TMEM276: variants seen among roughly 807,000 people sequenced by gnomAD.
TMEM276 encodes the protein transmembrane protein 276.
At chr8:144,466,754 C>G in the TMEM276 span, 17 of 1,528,942 alleles carry the variant, frequency 1.1e-5, no homozygotes, top group Non-Finnish European at 1.4e-5. Flanking sequence ...CCTGCCCCCT[C>G]CCTAGAGAGC....
chr8:144,464,808 C>A, the TMEM276 span: 4 of 1,612,686 alleles, frequency 2.5e-6, no homozygotes, highest in Non-Finnish European at 8.5e-7. Context: ...AGTGTACTCA[C>A]CTCGGCTGTG....
At chr8:144,466,399 C>A in the TMEM276 span, 1 of 1,136,740 alleles carries the variant, frequency 8.8e-7, no homozygotes, top group South Asian at 2.2e-5. Context: ...GAAGCGGGGC[C>A]CTCTGCCGCC....
At chr8:144,466,508 AC>A in the TMEM276 span, 2 of 1,293,104 alleles carry the variant, frequency 1.5e-6, no homozygotes, top group Non-Finnish European at 9.9e-7. Flanking sequence ...GAGCCCGGGG[AC>A]CCCGCCCAGG....
chr8:144,464,387 G>A, the TMEM276 span: 14 of 1,609,652 alleles, frequency 8.7e-6, no homozygotes, highest in Non-Finnish European at 1.2e-5. Flanking sequence ...TCAGGGCCGA[G>A]GTGGCCGCCA....
the TMEM276 span, chr8:144,466,549 C>T: frequency 9.0e-7 from 1 of 1,105,602 alleles, no homozygotes; most frequent in Non-Finnish European, 1.1e-6. Context: ...AGCCCGTCGT[C>T]TCCCGCCGCC....
the TMEM276 span, chr8:144,464,797 C>G: frequency 6.2e-7 from 1 of 1,612,412 alleles, no homozygotes; most frequent in East Asian, 2.2e-5. Flanking sequence ...TGCTCAGCCC[C>G]AGTGTACTCA....
the TMEM276 span, chr8:144,464,081 G>A: frequency 1.9e-6 from 3 of 1,569,892 alleles, 1 homozygote; most frequent in South Asian, 2.4e-5. Context: ...AGGTGGGAGG[G>A]AAAGTGTTCG....
At chr8:144,466,724 C>T in the TMEM276 span, 9 of 1,474,324 alleles carry the variant, frequency 6.1e-6, no homozygotes, top group Middle Eastern at 2.4e-4. Flanking sequence ...AGGCTGCCTG[C>T]CCCCCTCCTC....
chr8:144,465,420 C>T, the TMEM276 span: 2,512 of 1,011,200 alleles, frequency 2.5e-3, 3 homozygotes, highest in Non-Finnish European at 2.9e-3. Flanking sequence ...CGCCCACCGC[C>T]GTCGGCCCTG....
At chr8:144,464,151 A>G in the TMEM276 span, 3 of 1,612,486 alleles carry the variant, frequency 1.9e-6, no homozygotes, top group Non-Finnish European at 2.5e-6. Context: ...GGCGCTGTGT[A>G]TGCAGGGCCC....
At chr8:144,466,908 G>A in the TMEM276 span, 12 of 1,561,990 alleles carry the variant, frequency 7.7e-6, 1 homozygote, top group Middle Eastern at 6.9e-4. Context: ...GCGGAGGCCT[G>A]GCTCAAGCAC....
At chr8:144,463,961 C>T in the TMEM276 span, 16 of 1,495,012 alleles carry the variant, frequency 1.1e-5, no homozygotes, top group South Asian at 1.6e-4. Flanking sequence ...AGTCCCCACA[C>T]GTGGCCAAAG....
At chr8:144,464,100 G>A in the TMEM276 span, 17 of 1,589,662 alleles carry the variant, frequency 1.1e-5, no homozygotes, top group Middle Eastern at 1.7e-4. Flanking sequence ...CGGCAGGGCA[G>A]AAACCCTGCC....
At chr8:144,465,196 G>A in the TMEM276 span, 2 of 1,291,722 alleles carry the variant, frequency 1.5e-6, no homozygotes, top group African/African-American at 1.5e-5. Flanking sequence ...GAGCCCAAGT[G>A]GGAGTGCGGG....
At chr8:144,464,561 TGGTGGCA>T in the TMEM276 span, 1 of 1,611,478 alleles carries the variant, frequency 6.2e-7, no homozygotes, top group Non-Finnish European at 8.5e-7. Context: ...GCCAGCGTGG[TGGTGGCA>T]GCCAAGACCT....
At chr8:144,464,621 A>G in the TMEM276 span, 1 of 1,602,812 alleles carries the variant, frequency 6.2e-7, no homozygotes, top group South Asian at 1.1e-5. Flanking sequence ...GCCTGTCAAC[A>G]CAGGGAAGGG....
the TMEM276 span, chr8:144,466,941 C>A: frequency 6.3e-7 from 1 of 1,586,014 alleles, no homozygotes; most frequent in Non-Finnish European, 8.5e-7. Flanking sequence ...GTCTCCCGCC[C>A]TCCTCCCTGA....
the TMEM276 span, chr8:144,465,146 C>A: frequency 7.0e-7 from 1 of 1,432,152 alleles, no homozygotes; most frequent in Non-Finnish European, 9.2e-7. Context: ...GAAAACGACT[C>A]AGGGTCTAAG....
chr8:144,464,787 T>G, the TMEM276 span: 2 of 1,611,732 alleles, frequency 1.2e-6, no homozygotes, highest in Non-Finnish European at 1.7e-6. Flanking sequence ...GATGCGCCCC[T>G]GCTCAGCCCC....
Sources: allele counts gnomAD v4.1 joint callset, GRCh38; gene constraint gnomAD v4.1.1; transcripts MANE v1.5; gene names NCBI Gene and HGNC (gene_info 2026-07-23, HGNC 2026-07-21).